The following COL22A1 variants were observed in gnomAD, a reference collection of about 807,000 sequenced individuals.
The protein encoded by COL22A1 is collagen alpha-1(XXII) chain.
In COL22A1, 221 loss-of-function variants were observed where a neutral mutation model predicts 248.9. The ratio of observed to expected loss-of-function variants is 0.89; its 90% CI spans 0.80 to 0.99. COL22A1 has a LOEUF of 0.99. COL22A1 is among the 50% of genes least tolerant of loss of function. The pLI is 0.00. For synonymous variants in COL22A1, 891 were observed against 793.4 expected, an observed-to-expected ratio of 1.12 and a Z score of -2.07; for missense variants, 2,240 against 2,179.0, an observed-to-expected ratio of 1.03 and a Z score of -0.56.
chr8:138,599,480 A>AAAAACAAAACAAAAC (rs533464962), intron 60 of COL22A1, among the ~76,000 whole-genome samples: 1 of 152,224 alleles, frequency 6.6e-6, no homozygotes, highest in East Asian at 1.9e-4. Context: ...CTCTGTCTCA[A>AAAAACAAAACAAAAC]AAAACAAAAC....
intron 30 of COL22A1, among the ~76,000 whole-genome samples, chr8:138,705,564 T>C (rs1167190370): frequency 6.6e-6 from 1 of 152,160 alleles, no homozygotes; most frequent in Admixed American, 6.5e-5. Flanking sequence ...TAAAATCCTT[T>C]ACAGACAAGC....
At chr8:138,772,621 C>T (rs936386144) in intron 16 of COL22A1, among the ~76,000 whole-genome samples, 18 of 152,180 alleles carry the variant, frequency 1.2e-4, no homozygotes, top group Non-Finnish European at 2.1e-4. Flanking sequence ...TTTCTAATCA[C>T]GCTGTAGGTT....
chr8:138,685,357 A>G, intron 37 of COL22A1, 45 bp from the exon 38 acceptor site: 1 of 1,538,020 alleles, frequency 6.5e-7, no homozygotes, highest in Middle Eastern at 1.7e-4. Flanking sequence ...TACACTCAGC[A>G]CGAAGCTTTT....
intron 1 of COL22A1, among the ~76,000 whole-genome samples, chr8:138,895,051 C>T (rs72731656): frequency 0.11 from 12,759 of 116,696 alleles, 659 homozygotes; most frequent in Non-Finnish European, 0.13. Context: ...AGAGCAAGAA[C>T]CTTTCTCTTA....
rs573668026 is a variant in COL22A1 at position 138,679,607 on chromosome 8, C to A, written c.3072+10G>T. The A allele has an allele frequency of 6.2e-7, 1 of 1,613,070 alleles. No individual in the cohort carries two copies. Among genetic ancestry groups the A allele is most frequent in the South Asian group, 1.1e-5 (1 of 91,054 alleles). On this transcript the variant is annotated intron_variant, in intron 40 of 64. Transcript: ENST00000303045. Reference sequence around the variant, plus strand: ...TCTTTTTGCAAATGTTTGCATAGATCTTCACTGACCTTAACACATTGCCCT... The same window carrying A: ...TCTTTTTGCAAATGTTTGCATAGATATTCACTGACCTTAACACATTGCCCT...
chr8:138,636,808 A>G lies in COL22A1; in HGVS notation c.3502-13T>C. 1 of 1,610,194 alleles carries G rather than the reference A, an allele frequency of 6.2e-7. No individual in the cohort carries two copies. Among genetic ancestry groups the G allele is most frequent in the Admixed American group, 1.7e-5 (1 of 59,898 alleles). Reference sequence around the variant, plus strand: ...CTCCTTGACTTCCCTTGAAAGGAAAAAAAAGAAAAGAAAGATGTCACTGGA... The same window carrying G: ...CTCCTTGACTTCCCTTGAAAGGAAAGAAAAGAAAAGAAAGATGTCACTGGA... On this transcript the variant is annotated splice_polypyrimidine_tract_variant and intron_variant, in intron 47 of 64. Coordinates refer to ENST00000303045, the MANE Select transcript of COL22A1 (RefSeq NM_152888.3).
At position 138,826,698 on chromosome 8, in the gene COL22A1, C is replaced by A. The variant is rs1464666666; in HGVS notation, c.929G>T (p.Trp310Leu). 1 of 1,613,836 alleles carries A rather than the reference C, an allele frequency of 6.2e-7. No individual in the cohort carries two copies. Among genetic ancestry groups the A allele is most frequent in the African/African-American group, 1.3e-5 (1 of 74,876 alleles). The change falls in exon 6 of 65, where the codon TGG becomes TTG. Residue 310 changes from tryptophan (W) to leucine (L), a missense_variant. Coordinates refer to ENST00000303045, the MANE Select transcript of COL22A1 (RefSeq NM_152888.3). ...RFRKTSRKED[W>L]YIWQVIDQYS... ...CTGGTCGATGACCTGCCAGATATACCAGTCTTCCTTCCGAGAGGTTTTCCT... is the reference window on the plus strand; with the variant it reads ...CTGGTCGATGACCTGCCAGATATACAAGTCTTCCTTCCGAGAGGTTTTCCT...
At chr8:138,892,753 G>T (rs1825152816) in intron 1 of COL22A1, among the ~76,000 whole-genome samples, 1 of 152,230 alleles carries the variant, frequency 6.6e-6, no homozygotes, top group East Asian at 1.9e-4. Context: ...GAAGAACACT[G>T]AGCAGAAAGC....
Position 138,802,945 on chromosome 8 carries a change from G to A in COL22A1, c.1495-11C>T. 6.2e-7 allele frequency: 1 copy of A among 1,609,806 alleles called. No homozygotes were observed. Among genetic ancestry groups the A allele is most frequent in the East Asian group, 2.2e-5 (1 of 44,834 alleles). Reference sequence around the variant, plus strand: ...GGCTCCTATGTCTCCCTGAGGGGTTGAGACCAGAGACAAGCATCAGATTAG... The same window carrying A: ...GGCTCCTATGTCTCCCTGAGGGGTTAAGACCAGAGACAAGCATCAGATTAG... On this transcript the variant is annotated splice_polypyrimidine_tract_variant and intron_variant, in intron 10 of 64. Coordinates refer to ENST00000303045, the MANE Select transcript of COL22A1 (RefSeq NM_152888.3).
At chr8:138,823,383 A>G (rs1819319227) in intron 6 of COL22A1, among the ~76,000 whole-genome samples, 1 of 152,206 alleles carries the variant, frequency 6.6e-6, no homozygotes, top group South Asian at 2.1e-4. Flanking sequence ...TAACCTGGCC[A>G]TCTGTTCTCA....
intron 60 of COL22A1, among the ~76,000 whole-genome samples, chr8:138,601,323 C>A (rs550815747): frequency 6.6e-6 from 1 of 152,124 alleles, no homozygotes; most frequent in African/African-American, 2.4e-5. Context: ...ACTCTGCCCC[C>A]ACTTTTCTCA....
chr8:138,621,773 G>C (rs928901577), intron 52 of COL22A1, among the ~76,000 whole-genome samples: 2 of 152,182 alleles, frequency 1.3e-5, no homozygotes, highest in Non-Finnish European at 2.9e-5. Flanking sequence ...ATGTAATGAA[G>C]TGCTCAGTGC....
chr8:138,833,972 G>A (rs1019442528), intron 4 of COL22A1, among the ~76,000 whole-genome samples: 1 of 152,152 alleles, frequency 6.6e-6, no homozygotes, highest in Non-Finnish European at 1.5e-5. Flanking sequence ...TGTGTCACTC[G>A]GCATATGGTG....
In COL22A1 at chr8:138,681,656, G is replaced by T. The variant is rs181600268; in HGVS notation, c.3013-1980C>A. 4.7e-3 allele frequency among the ~76,000 whole-genome samples: 718 copies of T among 152,172 alleles called. 9 individuals carry two copies. Among genetic ancestry groups the T allele is most frequent in the African/African-American group, 0.016 (677 of 41,520 alleles). The stretch of plus-strand genomic sequence containing the variant: ...GACTGGGCTGTGTGCACCACATCAC[G>T]GGGGAGCCTGCCACGTATCTTCAGA... On this transcript the variant is annotated intron_variant, in intron 39 of 64. Transcript: ENST00000303045.
chr8:138,592,045 G>C (rs1416207893), intron 63 of COL22A1, among the ~76,000 whole-genome samples: 1 of 152,078 alleles, frequency 6.6e-6, no homozygotes, highest in Non-Finnish European at 1.5e-5. Flanking sequence ...CACGCATGTG[G>C]GCATGTGCAG....
intron 14 of COL22A1, 21 bp downstream of exon 14, chr8:138,779,488 C>G (rs1279864267): frequency 1.3e-6 from 2 of 1,596,642 alleles, no homozygotes; most frequent in African/African-American, 1.3e-5. Flanking sequence ...TCAGAAGGGC[C>G]CAGCTCACAG....
At chr8:138,721,956 G>A (rs1339865276) in intron 26 of COL22A1, 80 bp downstream of exon 26, 3 of 1,133,058 alleles carry the variant, frequency 2.6e-6, no homozygotes, top group Non-Finnish European at 2.6e-6. Context: ...ACTTGTTGTA[G>A]AATTCACCAA....
intron 4 of COL22A1, among the ~76,000 whole-genome samples, chr8:138,836,456 ATG>A (rs1256007037): frequency 6.6e-6 from 1 of 152,186 alleles, no homozygotes; most frequent in African/African-American, 2.4e-5. Flanking sequence ...TGAGTTTTAA[ATG>A]AGAAAATGTA....
intron 18 of COL22A1, among the ~76,000 whole-genome samples, chr8:138,756,338 T>C (rs910943731): frequency 6.6e-6 from 1 of 152,158 alleles, no homozygotes; most frequent in Non-Finnish European, 1.5e-5. Flanking sequence ...TAAGTCACTT[T>C]ATACACAAGG....
Sources: allele counts gnomAD v4.1 joint callset (sites outside exome capture counted in the v4.1 genomes callset), GRCh38; gene constraint gnomAD v4.1.1; transcripts MANE v1.5; gene names NCBI Gene and HGNC (gene_info 2026-07-23, HGNC 2026-07-21).